The following HTRA1 variants were observed in gnomAD, a reference collection of about 807,000 sequenced individuals.
The protein encoded by HTRA1 is serine protease HTRA1.
A neutral mutation model predicts 49.7 loss-of-function variants in HTRA1; 26 were observed. The ratio of observed to expected loss-of-function variants is 0.52; its 90% confidence interval spans 0.38 to 0.73. The LOEUF (loss-of-function observed/expected upper bound fraction) is 0.73. Among genes scored for constraint, HTRA1 ranks in the 30% least tolerant of loss-of-function variants. The pLI is 0.00. For synonymous variants in HTRA1, 291 were observed against 286.9 expected, an observed-to-expected ratio of 1.01 and a Z score of -0.14; for missense variants, 561 against 667.2, an observed-to-expected ratio of 0.84 and a Z score of 1.75.
rs572095874 is a variant in HTRA1 at position 122,490,934 on chromosome 10, C to T, written c.777+1308C>T. On this transcript the variant is annotated intron_variant, in intron 3 of 8. Coordinates refer to ENST00000368984, the MANE Select transcript of HTRA1 (RefSeq NM_002775.5). The surrounding 1 kb of genome is among the most constrained non-coding windows in gnomAD (Gnocchi z 4.2). ...TCCTTCCCCGATGTTCCTGTAGCTT[C>T]TCTATGGCTGGGTGGCCAGGCATGG... 4.6e-5 allele frequency among the ~76,000 whole-genome samples: 7 copies of T among 152,296 alleles called. No individual in the cohort carries two copies. The South Asian group carries it at 1.4e-3, about 32-fold the overall frequency.
At chr10:122,497,189 C>T (rs72834480) in intron 3 of HTRA1, among the ~76,000 whole-genome samples, 7,050 of 152,266 alleles carry the variant, frequency 0.046, 233 homozygotes, top group Non-Finnish European at 0.066. Flanking sequence ...ATAATGGGAA[C>T]ATGTGACTCA....
chr10:122,489,016 C>T lies in HTRA1; in HGVS notation c.572+15C>T. 7.6e-6 allele frequency: 12 copies of T among 1,587,186 alleles called. 1 individual carries two copies. Among genetic ancestry groups the T allele is most frequent in the Non-Finnish European group, 1.0e-5 (12 of 1,155,384 alleles). Reference sequence around the variant, plus strand: ...TTGTTTCGCAAGTAAAGAGAGCCTTCCTTTTTCCTATAACCTCCGAAGCTT... The same window carrying T: ...TTGTTTCGCAAGTAAAGAGAGCCTTTCTTTTTCCTATAACCTCCGAAGCTT... On this transcript the variant is annotated intron_variant, in intron 2 of 8. Coordinates refer to ENST00000368984, the MANE Select transcript of HTRA1 (RefSeq NM_002775.5).
chr10:122,500,563 G>A (rs555622073), intron 3 of HTRA1, among the ~76,000 whole-genome samples: 3 of 152,306 alleles, frequency 2.0e-5, no homozygotes, highest in African/African-American at 7.2e-5. Context: ...ATGTCCTACT[G>A]TCTGGGACAG....
chr10:122,488,300 G>T (rs923044221), intron 1 of HTRA1, among the ~76,000 whole-genome samples: 1 of 152,176 alleles, frequency 6.6e-6, no homozygotes, highest in Non-Finnish European at 1.5e-5. Context: ...GGGTGTGGTG[G>T]CTTACGCCTG....
intron 1 of HTRA1, among the ~76,000 whole-genome samples, chr10:122,486,067 C>T (rs1463511185): frequency 2.0e-5 from 3 of 152,158 alleles, no homozygotes; most frequent in Non-Finnish European, 4.4e-5. Context: ...TACCTGGAAA[C>T]CTAGGAGGGT....
At chr10:122,499,084 G>A (rs2097499864) in intron 3 of HTRA1, among the ~76,000 whole-genome samples, 1 of 152,158 alleles carries the variant, frequency 6.6e-6, no homozygotes, top group Admixed American at 6.5e-5. Flanking sequence ...TGGGCTACTG[G>A]GCAGGGTCAA....
At chr10:122,513,102 T>C (rs1448476986) in intron 8 of HTRA1, among the ~76,000 whole-genome samples, 1 of 152,220 alleles carries the variant, frequency 6.6e-6, no homozygotes, top group Admixed American at 6.5e-5. Context: ...AGAGACCATA[T>C]GTACTGCAAA....
Position 122,464,974 on chromosome 10 carries a change from TG to T in HTRA1, c.472+2852del, listed in dbSNP as rs1432925375. 6.6e-6 allele frequency among the ~76,000 whole-genome samples: 1 copy of T among 152,142 alleles called. No individual in the cohort carries two copies. Among genetic ancestry groups the T allele is most frequent in the African/African-American group, 2.4e-5 (1 of 41,422 alleles). On this transcript the variant is annotated intron_variant, in intron 1 of 8. Transcript: ENST00000368984. This position sits in a 1 kb window ranked among gnomAD's most constrained non-coding sequence, Gnocchi z 4.8. ...TGCTGCGATTTCAAATATTATAAGG[TG>T]GCTTTGTCTGGGGCAGAGCATGCCA...
chr10:122,462,758 A>C (rs1591022473), intron 1 of HTRA1, among the ~76,000 whole-genome samples: 1 of 152,354 alleles, frequency 6.6e-6, no homozygotes, highest in East Asian at 1.9e-4. Flanking sequence ...GTTTTGAGCC[A>C]GCCCTACAAA....
At chr10:122,483,625 G>T (rs567301095) in intron 1 of HTRA1, among the ~76,000 whole-genome samples, 1 of 152,294 alleles carries the variant, frequency 6.6e-6, no homozygotes, top group East Asian at 1.9e-4. Context: ...CTCCTGCTCA[G>T]AATTTTCACT....
intron 3 of HTRA1, among the ~76,000 whole-genome samples, chr10:122,501,515 T>C (rs2097500855): frequency 6.6e-6 from 1 of 152,178 alleles, no homozygotes; most frequent in South Asian, 2.1e-4. Flanking sequence ...ATGACACTCA[T>C]GGTTGCCCAC....
chr10:122,504,668 T>C (rs1417450061), intron 3 of HTRA1, among the ~76,000 whole-genome samples: 1 of 152,192 alleles, frequency 6.6e-6, no homozygotes, highest in Non-Finnish European at 1.5e-5. Context: ...GGACCTCCCC[T>C]GGTGTGGCCT....
intron 1 of HTRA1, among the ~76,000 whole-genome samples, chr10:122,473,757 C>A (rs1217080565): frequency 6.6e-6 from 1 of 152,156 alleles, no homozygotes; most frequent in East Asian, 1.9e-4. Context: ...CTGCCCAGCC[C>A]TAGGAAACCA....
chr10:122,471,863 C>T (rs780308697), intron 1 of HTRA1, among the ~76,000 whole-genome samples: 1 of 152,198 alleles, frequency 6.6e-6, no homozygotes, highest in South Asian at 2.1e-4. Context: ...GCTGGAGAAA[C>T]AGGCCTTGTT....
chr10:122,511,276 GTTA>G (rs1174545366), intron 7 of HTRA1, among the ~76,000 whole-genome samples: 1 of 152,194 alleles, frequency 6.6e-6, no homozygotes, highest in Admixed American at 6.5e-5. Flanking sequence ...GTAGGGTACT[GTTA>G]TTATCCCCAT....
rs756634374 is a variant in HTRA1, at chr10:122,489,521, C to A, written c.672C>A (p.Asn224Lys). The A allele has an allele frequency of 1.9e-6, 3 of 1,614,070 alleles. No homozygotes were observed. The highest frequency in any genetic ancestry group is 1.7e-5 in the Admixed American group (1 of 59,996). Residue 224 changes from asparagine to lysine, a missense_variant, in exon 3 of 9, where the codon AAC becomes AAA. Asn to Lys is a moderately conservative substitution (Grantham distance 94, BLOSUM62 0). Around this residue, in one of 3 missense-constraint regions of HTRA1, gnomAD observed 271 missense variants for 410.0 expected, o/e 0.66. Coordinates refer to ENST00000368984, the MANE Select transcript of HTRA1 (RefSeq NM_002775.5). ...LIVTNAHVVT[N>K]KHRVKVELKN... Reference sequence around the variant, plus strand: ...TGACAAATGCCCACGTGGTGACCAACAAGCACCGGGTCAAAGTTGAGCTGA... The same window carrying A: ...TGACAAATGCCCACGTGGTGACCAAAAAGCACCGGGTCAAAGTTGAGCTGA...
Position 122,469,875 on chromosome 10 carries a change from G to C in HTRA1, c.472+7751G>C, listed in dbSNP as rs1258622257. On this transcript the variant is annotated intron_variant, in intron 1 of 8. Transcript: ENST00000368984. The stretch of plus-strand genomic sequence containing the variant: ...TTGTTTATTCATCAAATATTTGGTG[G>C]GTGTTTCCAGCTATCTTTCTGTTAT... Among the ~76,000 whole-genome samples the C allele has an allele frequency of 2.6e-5, 4 of 152,124 alleles. No homozygotes were observed. The East Asian group carries it at 7.7e-4, about 29-fold the overall frequency.
At chr10:122,486,422 T>C (rs1232040138) in intron 1 of HTRA1, among the ~76,000 whole-genome samples, 1 of 152,196 alleles carries the variant, frequency 6.6e-6, no homozygotes, top group East Asian at 1.9e-4. Flanking sequence ...AACCATGCTA[T>C]GTAAAAGGAG....
rs1374173852 is a variant in HTRA1, at chr10:122,490,477, A to C, written c.777+851A>C. Among the ~76,000 whole-genome samples the C allele has an allele frequency of 2.0e-5, 3 of 152,154 alleles. No individual in the cohort carries two copies. The highest frequency in any genetic ancestry group is 2.9e-5 in the Non-Finnish European group (2 of 68,016). ...GACTCATCAAAAACCCCCACTCGAC[A>C]CGTCGATGAGAGAGGTTTTGTTTGC... On this transcript the variant is annotated intron_variant, in intron 3 of 8. Coordinates refer to ENST00000368984, the MANE Select transcript of HTRA1 (RefSeq NM_002775.5). The surrounding 1 kb of genome is among the most constrained non-coding windows in gnomAD (Gnocchi z 4.2).
Sources: allele counts gnomAD v4.1 joint callset (sites outside exome capture counted in the v4.1 genomes callset), GRCh38; gene constraint gnomAD v4.1.1; regional missense constraint gnomAD v4.1.1; non-coding constraint Gnocchi (gnomAD v3.1); transcripts MANE v1.5; gene names NCBI Gene and HGNC (gene_info 2026-07-23, HGNC 2026-07-21).